Variants in ADCY10 observed in about 807,000 individuals in gnomAD.
The protein encoded by ADCY10 is adenylate cyclase type 10.
ADCY10 carries 156 observed loss-of-function variants against 183.3 expected under a neutral mutation model. That is an observed-to-expected ratio of 0.85 (90% CI 0.75 to 0.97). ADCY10 has a LOEUF of 0.97. Ranked by LOEUF, ADCY10 falls within the 50% of genes least tolerant of loss-of-function variation. ADCY10 has a pLI of 0.00. For missense variants in ADCY10, 1,745 were observed against 1,934.3 expected, an observed-to-expected ratio of 0.90 and a Z score of 1.84; for synonymous variants, 645 against 670.0, an observed-to-expected ratio of 0.96 and a Z score of 0.58.
intron 5 of ADCY10, among the ~76,000 whole-genome samples, chr1:167,900,714 TAG>T (rs2102413567): frequency 6.6e-6 from 1 of 152,290 alleles, no homozygotes; most frequent in African/African-American, 2.4e-5. Flanking sequence ...TGTATTTTAG[TAG>T]AGACGGGGTT....
intron 18 of ADCY10, among the ~76,000 whole-genome samples, chr1:167,850,087 T>C (rs887155802): frequency 1.3e-5 from 2 of 152,074 alleles, no homozygotes; most frequent in Non-Finnish European, 2.9e-5. Context: ...ACTAGTCGTA[T>C]TTAGGAAGGT....
intron 8 of ADCY10, 143 bp from the exon 9 acceptor site, chr1:167,883,771 T>C: frequency 1.3e-6 from 1 of 764,090 alleles, no homozygotes; most frequent in Non-Finnish European, 2.3e-6. Flanking sequence ...CCAGCATGCC[T>C]GAAGTGGAGC....
Position 167,893,843 on chromosome 1 carries a change from T to A in ADCY10, c.828+10A>T. 6.2e-7 allele frequency: 1 copy of A among 1,606,998 alleles called. No individual in the cohort carries two copies. The highest frequency in any genetic ancestry group is 8.5e-7 in the Non-Finnish European group (1 of 1,173,864). On this transcript the variant is annotated intron_variant, in intron 8 of 32. Transcript: ENST00000367851. Reference sequence around the variant, plus strand: ...ATCCCCAAAGCCAGTAAATTCAATTTTGAAAATACCTGCTTCAAAATGCTT... The same window carrying A: ...ATCCCCAAAGCCAGTAAATTCAATTATGAAAATACCTGCTTCAAAATGCTT...
chr1:167,913,306 T>G (rs1231701630), intron 1 of ADCY10, among the ~76,000 whole-genome samples: 1 of 152,244 alleles, frequency 6.6e-6, no homozygotes, highest in Non-Finnish European at 1.5e-5. Context: ...AGGGTTCGAT[T>G]ATATTCATCA....
intron 8 of ADCY10, among the ~76,000 whole-genome samples, chr1:167,890,384 T>A (rs1427757615): frequency 6.6e-6 from 1 of 152,180 alleles, no homozygotes; most frequent in Non-Finnish European, 1.5e-5. Flanking sequence ...TTTGTTCTCT[T>A]CCCTTACTTT....
At chr1:167,831,053 C>T (rs140527388) in intron 25 of ADCY10, among the ~76,000 whole-genome samples, 20 of 152,332 alleles carry the variant, frequency 1.3e-4, no homozygotes, top group African/African-American at 4.1e-4. Context: ...CCCCGACCAC[C>T]TTGGGCACAT....
In ADCY10 at chr1:167,869,017, A is replaced by G. The variant is rs1473934256; in HGVS notation, c.1616+1240T>C. On this transcript the variant is annotated intron_variant, in intron 14 of 32. Transcript: ENST00000367851. ...GCAGCTGAAAGAGAGGTCTATAAAA[A>G]TTTAACCTTACTAATTACTGTCTAC... 2.6e-5 allele frequency among the ~76,000 whole-genome samples: 4 copies of G among 152,238 alleles called. No homozygotes were observed. The South Asian group carries it at 6.2e-4, about 24-fold the overall frequency.
intron 11 of ADCY10, 77 bp downstream of exon 11, chr1:167,880,038 T>C: frequency 7.9e-7 from 1 of 1,268,986 alleles, no homozygotes; most frequent in South Asian, 1.3e-5. Context: ...CTCATTTTTG[T>C]GCTTCCTCCC....
chr1:167,885,942 T>G (rs936238304), intron 8 of ADCY10, among the ~76,000 whole-genome samples: 1 of 152,092 alleles, frequency 6.6e-6, no homozygotes, highest in Non-Finnish European at 1.5e-5. Context: ...CATTTTTTAA[T>G]CAGATTATTA....
Position 167,853,830 on chromosome 1 carries a change from C to CTTTTTTTT in ADCY10, c.2308+515_2308+522dup, listed in dbSNP as rs538462140. ...TGTTCTTTCATTTCTACTATAGTTA[C>CTTTTTTTT]TTTTTTTTTTTTTTTTTTTTTTTTT... On this transcript the variant is annotated intron_variant, in intron 18 of 32. Transcript: ENST00000367851. 1.7e-4 allele frequency among the ~76,000 whole-genome samples: 13 copies of CTTTTTTTT among 77,190 alleles called. 1 individual carries two copies. The highest frequency in any genetic ancestry group is 5.5e-4 in the African/African-American group (10 of 18,132). 50.6% of individuals were successfully genotyped at this position (77,190 alleles called of 152,430 possible).
In ADCY10 at chr1:167,836,470, C is replaced by T. The variant is rs895969024; in HGVS notation, c.3148G>A (p.Glu1050Lys). Residue 1050 changes from glutamate (E) to lysine (K), a missense_variant, in exon 23 of 33, where the codon GAA (glutamate) becomes AAA (lysine). Transcript: ENST00000367851. ...HVLTKMKTSD[E>K]DIIPLESCQC... ...CAAGATTCCAGAGGGATAATGTCTTCGTCAGATGTCTTCATTTTTGTTAAA... is the reference window on the plus strand; with the variant it reads ...CAAGATTCCAGAGGGATAATGTCTTTGTCAGATGTCTTCATTTTTGTTAAA... 1.2e-6 allele frequency: 2 copies of T among 1,614,090 alleles called. No individual in the cohort carries two copies. The highest frequency in any genetic ancestry group is 1.7e-6 in the Non-Finnish European group (2 of 1,179,978).
intron 26 of ADCY10, among the ~76,000 whole-genome samples, chr1:167,825,612 T>G (rs558549927): frequency 6.6e-6 from 1 of 152,064 alleles, no homozygotes; most frequent in African/African-American, 2.4e-5. Context: ...TGAGACCTGA[T>G]CTCTACAAAA....
At chr1:167,862,190 A>T (rs1470592643) in intron 14 of ADCY10, among the ~76,000 whole-genome samples, 1 of 152,204 alleles carries the variant, frequency 6.6e-6, no homozygotes, top group Admixed American at 6.5e-5. Context: ...TTGTTGACAC[A>T]TGTCCCCACA....
Position 167,822,155 on chromosome 1 carries a change from G to A in ADCY10, c.4169-14C>T, listed in dbSNP as rs775016525. 1.4e-6 allele frequency: 2 copies of A among 1,460,914 alleles called. No individual in the cohort carries two copies. The highest frequency in any genetic ancestry group is 2.8e-5 in the African/African-American group (2 of 71,682). 90.5% of individuals were successfully genotyped at this position (1,460,914 alleles called of 1,614,324 possible). On this transcript the variant is annotated splice_polypyrimidine_tract_variant and intron_variant, in intron 29 of 32. Coordinates refer to ENST00000367851, the MANE Select transcript of ADCY10 (RefSeq NM_018417.6). ...TATAAACAAAACCTAAGAGAGAGAG[G>A]AATGGGTGAGAGTTATTAGTAGGTG...
chr1:167,821,540 A>G (rs953008782), intron 30 of ADCY10, among the ~76,000 whole-genome samples: 3 of 152,230 alleles, frequency 2.0e-5, no homozygotes, highest in Non-Finnish European at 4.4e-5. Flanking sequence ...GAGTAGACCT[A>G]CAGTTTTCCA....
At chr1:167,901,589 GGA>G in intron 5 of ADCY10, 71 bp downstream of exon 5, 3 of 1,448,170 alleles carry the variant, frequency 2.1e-6, no homozygotes, top group Non-Finnish European at 2.9e-6. Flanking sequence ...CTTCTCTTTG[GGA>G]GAGAGAGATG....
intron 8 of ADCY10, among the ~76,000 whole-genome samples, chr1:167,887,894 C>T (rs924468920): frequency 6.6e-6 from 1 of 151,868 alleles, no homozygotes; most frequent in South Asian, 2.1e-4. Flanking sequence ...AGAGTCTCCC[C>T]AATGTTTTCT....
intron 25 of ADCY10, 72 bp downstream of exon 25, chr1:167,832,915 G>T: frequency 6.5e-7 from 1 of 1,536,400 alleles, no homozygotes; most frequent in Non-Finnish European, 9.0e-7. Context: ...TTTGGGGGCT[G>T]ACTTGGATTA....
chr1:167,895,513 T>G (rs1384014191), intron 7 of ADCY10, among the ~76,000 whole-genome samples: 1 of 152,234 alleles, frequency 6.6e-6, no homozygotes. Flanking sequence ...CTGATGTTTC[T>G]CACTTGGATG....
Sources: allele counts gnomAD v4.1 joint callset (sites outside exome capture counted in the v4.1 genomes callset), GRCh38; gene constraint gnomAD v4.1.1; transcripts MANE v1.5; gene names NCBI Gene and HGNC (gene_info 2026-07-23, HGNC 2026-07-21).